Variants in MCC observed in about 807,000 individuals in gnomAD.
MCC encodes the protein colorectal mutant cancer protein.
Under a neutral mutation model 116.2 loss-of-function variants are expected in MCC, and 90 were observed. The observed-to-expected ratio is 0.77, with a 90% CI of 0.65 to 0.92. The LOEUF is 0.92. Ranked by LOEUF, MCC falls within the 40% of genes least tolerant of loss-of-function variation. MCC has a pLI of 0.00. For synonymous variants in MCC, 578 were observed against 510.5 expected (o/e 1.13, Z -1.78); for missense variants, 1,516 against 1,312.2 (o/e 1.16, Z -2.40).
At chr5:113,246,361 A>T (rs1052619874) in intron 3 of MCC, among the ~76,000 whole-genome samples, 5 of 152,208 alleles carry the variant, frequency 3.3e-5, no homozygotes, top group African/African-American at 9.7e-5. Context: ...GTGAAGTCTC[A>T]TCTTGATTTA....
At chr5:113,251,872 C>T (rs941480860) in intron 3 of MCC, among the ~76,000 whole-genome samples, 1 of 152,076 alleles carries the variant, frequency 6.6e-6, no homozygotes, top group Non-Finnish European at 1.5e-5. Context: ...GATTGTTAGT[C>T]TCAGAAACCC....
At chr5:113,335,504 C>T (rs1219003478) in intron 3 of MCC, among the ~76,000 whole-genome samples, 3 of 151,602 alleles carry the variant, frequency 2.0e-5, no homozygotes, top group Non-Finnish European at 2.9e-5. Flanking sequence ...ACTTCTGTTA[C>T]GTTTTATGTT....
chr5:113,246,909 GC>G (rs1303090154), intron 3 of MCC, among the ~76,000 whole-genome samples: 1 of 152,184 alleles, frequency 6.6e-6, no homozygotes, highest in Non-Finnish European at 1.5e-5. Context: ...TCACAGACCA[GC>G]CCCCTTTATA....
chr5:113,312,112 A>G (rs1191710406), intron 3 of MCC, among the ~76,000 whole-genome samples: 1 of 152,062 alleles, frequency 6.6e-6, no homozygotes, highest in African/African-American at 2.4e-5. Context: ...TCTCAAAAAA[A>G]CAAACAAACA....
chr5:113,051,599 C>T (rs1461558094), intron 15 of MCC, among the ~76,000 whole-genome samples: 1 of 152,022 alleles, frequency 6.6e-6, no homozygotes, highest in Non-Finnish European at 1.5e-5. Flanking sequence ...GCAGTGCATT[C>T]CTGTAGTCCC....
chr5:113,366,918 C>T (rs182936997), intron 2 of MCC, among the ~76,000 whole-genome samples: 12 of 152,206 alleles, frequency 7.9e-5, no homozygotes, highest in African/African-American at 2.6e-4. Context: ...CCTACCACCC[C>T]AGCTTCCCAA....
intron 14 of MCC, among the ~76,000 whole-genome samples, chr5:113,057,116 CGAGA>C (rs1752885881): frequency 6.6e-6 from 1 of 152,022 alleles, no homozygotes; most frequent in African/African-American, 2.4e-5. Flanking sequence ...GCCAGCAGAA[CGAGA>C]TGGTGACTGA....
intron 3 of MCC, among the ~76,000 whole-genome samples, chr5:113,321,927 G>C (rs1253428632): frequency 6.6e-6 from 1 of 152,182 alleles, no homozygotes; most frequent in East Asian, 1.9e-4. Flanking sequence ...CACCTCCCGG[G>C]TTCAAGCAAT....
At chr5:113,403,515 A>G (rs1423000682) in intron 1 of MCC, among the ~76,000 whole-genome samples, 4 of 152,222 alleles carry the variant, frequency 2.6e-5, no homozygotes, top group African/African-American at 9.6e-5. Context: ...AGAAATTTGT[A>G]GTACAAATCA....
chr5:113,248,961 A>T (rs1764682211), intron 3 of MCC, among the ~76,000 whole-genome samples: 1 of 151,632 alleles, frequency 6.6e-6, no homozygotes, highest in African/African-American at 2.4e-5. Context: ...TTCCTGCCTC[A>T]GCCTCCCGAG....
chr5:113,402,287 C>G (rs1769711895), intron 1 of MCC, among the ~76,000 whole-genome samples: 1 of 110,800 alleles, frequency 9.0e-6, no homozygotes, highest in African/African-American at 4.8e-5. Flanking sequence ...GAGCCAGACT[C>G]CGTCTCAAAA....
chr5:113,112,322 G>A (rs536018897), intron 6 of MCC, among the ~76,000 whole-genome samples: 20 of 152,258 alleles, frequency 1.3e-4, no homozygotes, highest in African/African-American at 4.6e-4. Flanking sequence ...CTTGTTGGGA[G>A]GTGACTGGAT....
At chr5:113,196,333 G>A (rs1258285529) in intron 3 of MCC, among the ~76,000 whole-genome samples, 3 of 152,188 alleles carry the variant, frequency 2.0e-5, no homozygotes, top group Admixed American at 6.5e-5. Context: ...GAGCCCTGAT[G>A]GAAGTGGGTG....
chr5:113,356,706 A>T (rs1018495308), intron 2 of MCC, among the ~76,000 whole-genome samples: 4 of 152,202 alleles, frequency 2.6e-5, no homozygotes, highest in African/African-American at 9.6e-5. Context: ...CTACAATTAC[A>T]GAGCTTATTT....
At chr5:113,442,490 C>T (rs1444255704) in intron 1 of MCC, among the ~76,000 whole-genome samples, 1 of 152,166 alleles carries the variant, frequency 6.6e-6, no homozygotes. Flanking sequence ...CCTGCAGAAG[C>T]TCTTTAGTTT....
intron 1 of MCC, among the ~76,000 whole-genome samples, chr5:113,430,928 G>T (rs1425243629): frequency 6.6e-6 from 1 of 152,198 alleles, no homozygotes; most frequent in Non-Finnish European, 1.5e-5. Context: ...GGCACATGGA[G>T]AATGGAAAGG....
chr5:113,298,163 C>A (rs1766760329), intron 3 of MCC, among the ~76,000 whole-genome samples: 1 of 152,090 alleles, frequency 6.6e-6, no homozygotes, highest in Non-Finnish European at 1.5e-5. Flanking sequence ...AAGGATACTA[C>A]CTTAAGGAAG....
chr5:113,151,162 A>G, intron 4 of MCC, 147 bp downstream of exon 4: 1 of 570,672 alleles, frequency 1.8e-6, no homozygotes, highest in South Asian at 2.5e-5. Flanking sequence ...GGCATTTGTT[A>G]CAGCAGCCAG....
At chr5:113,394,591 A>G (rs1404926954) in intron 1 of MCC, among the ~76,000 whole-genome samples, 1 of 152,176 alleles carries the variant, frequency 6.6e-6, no homozygotes, top group African/African-American at 2.4e-5. Flanking sequence ...CCTGCTTTGC[A>G]CATGTTTGTC....
Sources: gnomAD v4.1 joint callset for allele counts (sites outside exome capture counted in the v4.1 genomes callset) on GRCh38, gnomAD v4.1.1 for gene constraint, MANE v1.5 for transcripts, NCBI Gene and HGNC (gene_info 2026-07-23, HGNC 2026-07-21) for gene names.